The following RPS6KA2 variants were observed in gnomAD, a reference collection of about 807,000 sequenced individuals.
RPS6KA2 encodes ribosomal protein S6 kinase A2, also known as ribosomal protein S6 kinase alpha-2.
Under a neutral mutation model 91.8 loss-of-function variants are expected in RPS6KA2, and 42 were observed. The observed-to-expected ratio is 0.46, with a 90% CI of 0.36 to 0.59. The LOEUF is 0.59. Ranked by LOEUF, RPS6KA2 falls within the 20% of genes least tolerant of loss-of-function variation. The probability of loss-of-function intolerance (pLI) is 0.00; values close to 1 mark genes in which losing one functional copy is unlikely to be tolerated. For missense variants in RPS6KA2, 798 were observed against 978.5 expected (o/e 0.82, Z 2.46); for synonymous variants, 414 against 393.6 (o/e 1.05, Z -0.61).
intron 1 of RPS6KA2, among the ~76,000 whole-genome samples, chr6:166,586,670 C>T (rs1785185916): frequency 8.0e-6 from 1 of 124,562 alleles, no homozygotes; most frequent in South Asian, 2.1e-4. Flanking sequence ...AACCGAGCGC[C>T]TTCCTCTCCA....
intron 12 of RPS6KA2, among the ~76,000 whole-genome samples, chr6:166,455,586 C>T (rs763197337): frequency 1.4e-4 from 21 of 152,228 alleles, no homozygotes; most frequent in Non-Finnish European, 2.9e-4. Context: ...ACGCTCCAGA[C>T]TAGCGAAGCG....
At chr6:166,643,133 C>T (rs1324290008) in intron 2 of RPS6KA2, among the ~76,000 whole-genome samples, 1 of 152,200 alleles carries the variant, frequency 6.6e-6, no homozygotes, top group Non-Finnish European at 1.5e-5. Flanking sequence ...CTCTGATCTT[C>T]CAATATCCAC....
intron 1 of RPS6KA2, among the ~76,000 whole-genome samples, chr6:166,588,041 A>G (rs1271999826): frequency 6.6e-6 from 1 of 152,230 alleles, no homozygotes; most frequent in Non-Finnish European, 1.5e-5. Flanking sequence ...AGTGATGGTT[A>G]GAGAATTCTC....
chr6:166,783,116 CCTCT>C (rs1778814627), intron 2 of RPS6KA2, among the ~76,000 whole-genome samples: 3 of 149,474 alleles, frequency 2.0e-5, no homozygotes, highest in African/African-American at 4.9e-5. Flanking sequence ...TGAGACAGGG[CCTCT>C]CTGTGTCACC....
At chr6:166,525,863 T>C (rs2128489749) in intron 3 of RPS6KA2, among the ~76,000 whole-genome samples, 1 of 152,220 alleles carries the variant, frequency 6.6e-6, no homozygotes, top group Non-Finnish European at 1.5e-5. Context: ...ATTATGAGGG[T>C]GGAGAACGGG....
chr6:166,753,418 G>A (rs995338846), intron 2 of RPS6KA2, among the ~76,000 whole-genome samples: 4 of 152,186 alleles, frequency 2.6e-5, no homozygotes, highest in African/African-American at 9.7e-5. Context: ...CATGTGTAAT[G>A]CTGTTGGAAT....
chr6:166,802,838 T>G (rs1044431076), intron 2 of RPS6KA2, among the ~76,000 whole-genome samples: 4 of 152,122 alleles, frequency 2.6e-5, no homozygotes, highest in African/African-American at 9.7e-5. Flanking sequence ...GACAAAAGAA[T>G]TTACTTGAAT....
At chr6:166,469,943 A>T in intron 10 of RPS6KA2, 38 bp from the exon 11 acceptor site, 1 of 1,562,904 alleles carries the variant, frequency 6.4e-7, no homozygotes. Flanking sequence ...GAACAAATCC[A>T]AGATGGGGTT....
chr6:166,530,451 C>T (rs369106540), intron 3 of RPS6KA2, among the ~76,000 whole-genome samples: 1 of 152,218 alleles, frequency 6.6e-6, no homozygotes, highest in Non-Finnish European at 1.5e-5. Context: ...CTCACCGTCT[C>T]GGCACCTAAG....
intron 2 of RPS6KA2, among the ~76,000 whole-genome samples, chr6:166,673,200 T>C (rs1054439072): frequency 7.9e-5 from 12 of 152,220 alleles, no homozygotes; most frequent in African/African-American, 2.9e-4. Context: ...TGTAGCGCTC[T>C]GAGCCACCCT....
chr6:166,798,642 G>C (rs921692644), intron 2 of RPS6KA2, among the ~76,000 whole-genome samples: 3 of 152,170 alleles, frequency 2.0e-5, no homozygotes, highest in Non-Finnish European at 4.4e-5. Flanking sequence ...CCATCTATGG[G>C]GCACATGGCA....
At chr6:166,792,168 C>A (rs11757802) in intron 2 of RPS6KA2, among the ~76,000 whole-genome samples, 1 of 151,870 alleles carries the variant, frequency 6.6e-6, no homozygotes, top group Non-Finnish European at 1.5e-5. Flanking sequence ...GTGATAAAGG[C>A]GATATCATCA....
At chr6:166,692,571 T>C (rs1198881538) in intron 2 of RPS6KA2, among the ~76,000 whole-genome samples, 1 of 151,876 alleles carries the variant, frequency 6.6e-6, no homozygotes, top group Non-Finnish European at 1.5e-5. Context: ...ACAGAAAACA[T>C]GAGAAAATTG....
rs923579765 is a variant in RPS6KA2, at chr6:166,410,586, C to T, written c.*2176G>A. ...CAGAGCTCGCTGTGATGGGGAGTCT[C>T]GTCGGTCCCTTTGGCATTCTTAGAG... On this transcript the variant is annotated 3_prime_UTR_variant, in exon 21 of 21. Coordinates refer to ENST00000265678, the MANE Select transcript of RPS6KA2 (RefSeq NM_021135.6). The T allele has an allele frequency of 2.0e-5, 3 of 152,210 alleles. No individual in the cohort carries two copies. The highest frequency in any genetic ancestry group is 2.9e-5 in the Non-Finnish European group (2 of 68,022). The allele number at this position is 152,210 out of a possible 1,614,324, so 9.4% of individuals were successfully genotyped here.
In RPS6KA2 at chr6:166,411,311, C is replaced by T. The variant is rs1778294565; in HGVS notation, c.*1451G>A. ...TTCTTAGGGAAAACCTGGCTGTGGC[C>T]AGCGGGCACCTCCTGAAGCCCTGCT... On this transcript the variant is annotated 3_prime_UTR_variant, in exon 21 of 21. Coordinates refer to ENST00000265678, the MANE Select transcript of RPS6KA2 (RefSeq NM_021135.6). The surrounding 1 kb of genome is among the most constrained non-coding windows in gnomAD (Gnocchi z 4.5). The T allele has an allele frequency of 6.6e-6, 1 of 151,972 alleles. No homozygotes were observed. Among genetic ancestry groups the T allele is most frequent in the African/African-American group, 2.4e-5 (1 of 41,364 alleles). 9.4% of individuals were successfully genotyped at this position (151,972 alleles called of 1,614,324 possible). A position where few individuals can be genotyped will look rare whatever the true frequency, so the allele number is the denominator to read the frequency against.
intron 2 of RPS6KA2, among the ~76,000 whole-genome samples, chr6:166,722,717 A>T (rs1790214599): frequency 6.6e-6 from 1 of 152,226 alleles, no homozygotes; most frequent in African/African-American, 2.4e-5. Context: ...ATTCTCTGAA[A>T]CGCTTGATAC....
chr6:166,808,152 C>T (rs1779539901), intron 2 of RPS6KA2, among the ~76,000 whole-genome samples: 1 of 152,220 alleles, frequency 6.6e-6, no homozygotes, highest in Non-Finnish European at 1.5e-5. Context: ...GCTCCCTGGA[C>T]CGGGCTGGGA....
At chr6:166,457,897 T>C (rs780727494) in intron 12 of RPS6KA2, among the ~76,000 whole-genome samples, 25 of 152,248 alleles carry the variant, frequency 1.6e-4, no homozygotes, top group Admixed American at 1.4e-3. Flanking sequence ...TTTTAAAAAA[T>C]AAGAAAATTT....
intron 2 of RPS6KA2, among the ~76,000 whole-genome samples, chr6:166,840,289 A>C (rs910993088): frequency 6.6e-6 from 1 of 152,098 alleles, no homozygotes; most frequent in Admixed American, 6.5e-5. Flanking sequence ...AGTTTTATCA[A>C]AGTCTTGGTG....
Sources: gnomAD v4.1 joint callset for allele counts (sites outside exome capture counted in the v4.1 genomes callset) on GRCh38, gnomAD v4.1.1 for gene constraint, Gnocchi (gnomAD v3.1) non-coding constraint, MANE v1.5 for transcripts, NCBI Gene and HGNC (gene_info 2026-07-23, HGNC 2026-07-21) for gene names.